NCAM1: variants seen among roughly 807,000 people sequenced by gnomAD.
The protein encoded by NCAM1 is neural cell adhesion molecule 1, also known as antigen recognized by monoclonal antibody 5.1H11.
NCAM1 carries 14 observed loss-of-function variants against 109.8 expected under a neutral mutation model. The ratio of observed to expected loss-of-function variants is 0.13; its 90% confidence interval spans 0.08 to 0.20. The LOEUF is 0.20. NCAM1 is among the 10% of genes least tolerant of loss of function. The pLI, the probability that NCAM1 is intolerant of heterozygous loss-of-function variation, is 1.00. For synonymous variants in NCAM1, 418 were observed against 442.9 expected (o/e 0.94, Z 0.70); for missense variants, 774 against 1,109.9 (o/e 0.70, Z 4.30).
chr11:113,003,415 C>T (rs1462240581), intron 1 of NCAM1, among the ~76,000 whole-genome samples: 1 of 152,172 alleles, frequency 6.6e-6, no homozygotes, highest in African/African-American at 2.4e-5. Flanking sequence ...TTGCAGTTGT[C>T]TTGTGTTGTG....
chr11:113,174,777 A>G (rs375358884), intron 1 of NCAM1, among the ~76,000 whole-genome samples: 13 of 152,212 alleles, frequency 8.5e-5, no homozygotes, highest in South Asian at 6.2e-4. Context: ...GGTGGTGAAG[A>G]GCAGGAAGCA....
chr11:112,992,503 C>CTTT (rs1335878256), intron 1 of NCAM1, among the ~76,000 whole-genome samples: 5 of 135,510 alleles, frequency 3.7e-5, no homozygotes, highest in Non-Finnish European at 4.8e-5. Context: ...CTTTTTTTTT[C>CTTT]TTTTTTTTTT....
chr11:113,217,894 T>C (rs1383907040), intron 8 of NCAM1, among the ~76,000 whole-genome samples: 1 of 152,214 alleles, frequency 6.6e-6, no homozygotes, highest in Non-Finnish European at 1.5e-5. Flanking sequence ...CCCCTTCCTG[T>C]TAAATGCCAG....
chr11:113,262,893 T>C (rs1555123664), intron 17 of NCAM1: 2 of 1,613,944 alleles, frequency 1.2e-6, no homozygotes, highest in Admixed American at 3.3e-5. Context: ...CTCATTGCTT[T>C]TCTCTGCAGT....
intron 1 of NCAM1, among the ~76,000 whole-genome samples, chr11:113,050,752 G>A (rs1953456222): frequency 2.0e-5 from 3 of 152,168 alleles, no homozygotes; most frequent in Non-Finnish European, 4.4e-5. Context: ...TTGGGTTAAT[G>A]AGCATCCAGG....
intron 1 of NCAM1, among the ~76,000 whole-genome samples, chr11:113,031,761 G>T (rs1359704045): frequency 3.3e-5 from 5 of 152,204 alleles, no homozygotes; most frequent in Non-Finnish European, 7.3e-5. Context: ...CAGGAAGGCA[G>T]AGCATCGCCT....
chr11:113,119,197 G>A (rs1429085153), intron 1 of NCAM1, among the ~76,000 whole-genome samples: 2 of 150,372 alleles, frequency 1.3e-5, no homozygotes, highest in Non-Finnish European at 2.9e-5. Context: ...GAGGGTTGGG[G>A]AGTTCTCCCT....
At chr11:112,986,485 G>A (rs1184613362) in intron 1 of NCAM1, among the ~76,000 whole-genome samples, 1 of 151,936 alleles carries the variant, frequency 6.6e-6, no homozygotes, top group African/African-American at 2.4e-5. Context: ...AGAAGAATTG[G>A]TATTAATGCT....
chr11:113,146,682 G>A (rs1942029582), intron 1 of NCAM1, among the ~76,000 whole-genome samples: 2 of 152,180 alleles, frequency 1.3e-5, no homozygotes, highest in Non-Finnish European at 2.9e-5. Flanking sequence ...CTGGGGCCAG[G>A]GCAGCGATGG....
At chr11:112,998,331 A>G (rs1334315470) in intron 1 of NCAM1, among the ~76,000 whole-genome samples, 1 of 152,172 alleles carries the variant, frequency 6.6e-6, no homozygotes, top group East Asian at 1.9e-4. Context: ...TGTCTGATTG[A>G]GAGTCCTGGA....
intron 1 of NCAM1, among the ~76,000 whole-genome samples, chr11:113,085,708 C>T (rs1351139731): frequency 3.3e-5 from 5 of 152,154 alleles, no homozygotes; most frequent in Non-Finnish European, 7.3e-5. Context: ...GTCTGCTGCT[C>T]TGCTGCTTGG....
intron 1 of NCAM1, among the ~76,000 whole-genome samples, chr11:113,073,328 C>G (rs11214475): frequency 0.19 from 29,312 of 152,142 alleles, 3,103 homozygotes; most frequent in East Asian, 0.47. Flanking sequence ...AAAAACACAT[C>G]TGTCTTCCAC....
intron 1 of NCAM1, among the ~76,000 whole-genome samples, chr11:113,106,936 C>T (rs1296483531): frequency 6.6e-6 from 1 of 152,180 alleles, no homozygotes; most frequent in Non-Finnish European, 1.5e-5. Context: ...CTTGTGGTCT[C>T]TCCTCCTCGA....
intron 17 of NCAM1, among the ~76,000 whole-genome samples, chr11:113,266,239 G>T (rs528818317): frequency 6.6e-6 from 1 of 152,336 alleles, no homozygotes; most frequent in African/African-American, 2.4e-5. Context: ...GAGGGAATGG[G>T]TGTTGGCTTT....
chr11:113,112,897 C>T (rs944089426), intron 1 of NCAM1, among the ~76,000 whole-genome samples: 2 of 151,994 alleles, frequency 1.3e-5, no homozygotes, highest in South Asian at 2.1e-4. Flanking sequence ...TTTGGGAGGC[C>T]GAGACAAGTG....
intron 1 of NCAM1, among the ~76,000 whole-genome samples, chr11:113,105,752 A>G (rs1555092420): frequency 1.3e-5 from 2 of 152,350 alleles, no homozygotes; most frequent in Middle Eastern, 3.4e-3. Flanking sequence ...AATTGTTGCC[A>G]GAAGCTAGGC....
chr11:113,245,728 C>T (rs1355499423), intron 14 of NCAM1, among the ~76,000 whole-genome samples: 4 of 152,188 alleles, frequency 2.6e-5, no homozygotes, highest in Non-Finnish European at 5.9e-5. Flanking sequence ...CCTCATTCAG[C>T]CCATACTCCC....
intron 1 of NCAM1, among the ~76,000 whole-genome samples, chr11:113,108,576 T>C (rs1940274203): frequency 6.6e-6 from 1 of 152,186 alleles, no homozygotes; most frequent in South Asian, 2.1e-4. Context: ...TATTGGTGTC[T>C]GGACAAAAAG....
intron 1 of NCAM1, among the ~76,000 whole-genome samples, chr11:113,011,542 A>G (rs1001519933): frequency 3.3e-5 from 5 of 152,030 alleles, no homozygotes; most frequent in Admixed American, 3.3e-4. Context: ...CGCCACACTG[A>G]CTTCCACAAT....
Sources: gnomAD v4.1 joint callset for allele counts (sites outside exome capture counted in the v4.1 genomes callset) on GRCh38, gnomAD v4.1.1 for gene constraint, MANE v1.5 for transcripts, NCBI Gene and HGNC (gene_info 2026-07-23, HGNC 2026-07-21) for gene names.